The following COL4A4 variants were observed in gnomAD, a reference collection of about 807,000 sequenced individuals.
COL4A4 encodes collagen alpha-4(IV) chain.
Under a neutral mutation model 192.9 loss-of-function variants are expected in COL4A4, and 105 were observed. The observed-to-expected ratio is 0.54, with a 90% CI of 0.46 to 0.64. The LOEUF (loss-of-function observed/expected upper bound fraction) is 0.64, where lower values mean the gene tolerates loss of function less well. Among genes scored for constraint, COL4A4 ranks in the 30% least tolerant of loss-of-function variants. The pLI, the probability that COL4A4 is intolerant of heterozygous loss-of-function variation, is 0.00. For missense variants in COL4A4, 1,967 were observed against 2,169.3 expected (o/e 0.91, Z 1.85); for synonymous variants, 762 against 769.9 (o/e 0.99, Z 0.17).
At chr2:227,111,647 T>C in intron 9 of COL4A4, 31 bp downstream of exon 9, 7 of 1,605,894 alleles carry the variant, frequency 4.4e-6, no homozygotes, top group Non-Finnish European at 4.3e-6. Flanking sequence ...GAGGAGGAAA[T>C]AGAAGCATAG....
At chr2:227,041,502 A>T (rs1970816004) in intron 37 of COL4A4, among the ~76,000 whole-genome samples, 1 of 151,478 alleles carries the variant, frequency 6.6e-6, no homozygotes, top group South Asian at 2.1e-4. Context: ...TTAGCCAGGC[A>T]TGGTGATGTG....
chr2:227,019,211 T>C, intron 44 of COL4A4, among the ~76,000 whole-genome samples: 1 of 152,220 alleles, frequency 6.6e-6, no homozygotes, highest in East Asian at 1.9e-4. Context: ...CAATATTCTT[T>C]CAAGATCCTC....
At chr2:227,098,897 G>A in intron 18 of COL4A4, 99 bp from the exon 19 acceptor site, 1 of 997,530 alleles carries the variant, frequency 1.0e-6, no homozygotes, top group Non-Finnish European at 1.5e-6. Flanking sequence ...AGTATAATTA[G>A]GAGACATTTT....
At chr2:226,980,542 G>A in the COL4A4 span, among the ~76,000 whole-genome samples, 3 of 152,082 alleles carry the variant, frequency 2.0e-5, no homozygotes, top group Non-Finnish European at 2.9e-5. Flanking sequence ...GACACCCCTC[G>A]TGTTCTGGAA....
At position 227,041,795 on chromosome 2, in the gene COL4A4, A is replaced by AGG. The variant is rs1559476581; in HGVS notation, c.3505+352_3505+353insCC. Reference sequence around the variant, plus strand: ...GGAAGGAAGGAAGGAAGGGAAAGAAAGAAAGAAAGGAAGAAAGAAAGAAAG... The same window carrying AGG: ...GGAAGGAAGGAAGGAAGGGAAAGAAAGGGAAAGAAAGGAAGAAAGAAAGAAAG... On this transcript the variant is annotated intron_variant, in intron 37 of 47. Transcript: ENST00000396625. Among the ~76,000 whole-genome samples the AGG allele has an allele frequency of 8.0e-4, 46 of 57,646 alleles. 1 individual carries two copies. The highest frequency in any genetic ancestry group is 9.4e-4 in the Non-Finnish European group (29 of 31,002). The allele number at this position is 57,646 out of a possible 152,430, so 37.8% of individuals were successfully genotyped here.
intron 3 of COL4A4, 71 bp from the exon 4 acceptor site, chr2:227,140,309 T>G: frequency 7.9e-7 from 1 of 1,260,278 alleles, no homozygotes; most frequent in Non-Finnish European, 1.2e-6. Context: ...ACATACATTA[T>G]AACAAGCACT....
At chr2:226,994,382 G>A in the COL4A4 span, among the ~76,000 whole-genome samples, 1 of 152,150 alleles carries the variant, frequency 6.6e-6, no homozygotes, top group Non-Finnish European at 1.5e-5. Flanking sequence ...ATTGAATGAA[G>A]ACAAACAAAC....
intron 37 of COL4A4, among the ~76,000 whole-genome samples, chr2:227,037,548 C>G (rs1173670370): frequency 6.6e-6 from 1 of 152,160 alleles, no homozygotes; most frequent in Admixed American, 6.5e-5. Context: ...AATAAACATA[C>G]ATTTGCATAG....
At chr2:227,001,198 C>T (rs1309843342), downstream of COL4A4, among the ~76,000 whole-genome samples, 3 of 151,870 alleles carry the variant, frequency 2.0e-5, no homozygotes, top group Non-Finnish European at 4.4e-5. Context: ...AGGTTGATGC[C>T]ATTCTCCTGC....
chr2:227,040,703 T>C (rs1460181434), intron 37 of COL4A4, among the ~76,000 whole-genome samples: 1 of 152,008 alleles, frequency 6.6e-6, no homozygotes, highest in East Asian at 1.9e-4. Context: ...GTAGATGGGA[T>C]TACAGGCATG....
Position 227,033,395 on chromosome 2 carries a change from C to T in COL4A4, c.3577+15G>A, listed in dbSNP as rs1274361689. ...GACTGAAGCTCAGTCTGTTACGAAT[C>T]GATTAGGTGCTTACCTGAAGCACCT... On this transcript the variant is annotated intron_variant, in intron 38 of 47. Coordinates refer to ENST00000396625, the MANE Select transcript of COL4A4 (RefSeq NM_000092.5). 16 of 1,603,388 alleles carry T rather than the reference C, an allele frequency of 1.0e-5. No individual in the cohort carries two copies. The highest frequency in any genetic ancestry group is 6.7e-5 in the African/African-American group (5 of 74,744).
chr2:227,033,548 C>G (rs552347400), intron 37 of COL4A4, 67 bp from the exon 38 acceptor site: 2 of 1,397,952 alleles, frequency 1.4e-6, no homozygotes, highest in East Asian at 4.6e-5. Context: ...TAGCCACAAA[C>G]GCAGGCACTG....
chr2:226,988,550 C>G, the COL4A4 span: 1 of 1,422,858 alleles, frequency 7.0e-7, no homozygotes, highest in Non-Finnish European at 9.2e-7. Flanking sequence ...CTGGCCCTCT[C>G]TGCGGACTGG....
intron 31 of COL4A4, among the ~76,000 whole-genome samples, chr2:227,052,692 G>A (rs150350630): frequency 6.8e-6 from 1 of 147,414 alleles, no homozygotes; most frequent in Non-Finnish European, 1.5e-5. Flanking sequence ...TCTTCACTGA[G>A]GTTAAGACAG....
chr2:227,050,614 C>T (rs1469197779), intron 33 of COL4A4, among the ~76,000 whole-genome samples: 1 of 152,084 alleles, frequency 6.6e-6, no homozygotes, highest in African/African-American at 2.4e-5. Context: ...ATATTGAAAG[C>T]AAAATCTGTG....
At chr2:227,049,447 C>T (rs938786199) in intron 34 of COL4A4, among the ~76,000 whole-genome samples, 2 of 152,196 alleles carry the variant, frequency 1.3e-5, no homozygotes, top group South Asian at 2.1e-4. Flanking sequence ...ACTATAACAA[C>T]ACAGTTGAAT....
In COL4A4 at chr2:227,022,192, C is replaced by CT; in HGVS notation, c.4091-20dup. The CT allele has an allele frequency of 6.2e-7, 1 of 1,613,996 alleles. No homozygotes were observed. The highest frequency in any genetic ancestry group is 8.5e-7 in the Non-Finnish European group (1 of 1,180,004). ...GGTTCACCTGAAATTGGAATCACCGCTTGTGTAATGGATGCACGTGCTTAT... is the reference window on the plus strand; with the variant it reads ...GGTTCACCTGAAATTGGAATCACCGCTTTGTGTAATGGATGCACGTGCTTAT... On this transcript the variant is annotated intron_variant, in intron 43 of 47. Transcript: ENST00000396625.
At chr2:227,015,121 A>C (rs976580350) in intron 44 of COL4A4, among the ~76,000 whole-genome samples, 1 of 151,972 alleles carries the variant, frequency 6.6e-6, no homozygotes, top group Non-Finnish European at 1.5e-5. Context: ...GGCTGGTCTC[A>C]AACTGCTGAC....
At position 227,108,043 on chromosome 2, in the gene COL4A4, A is replaced by C. The variant is rs577788716; in HGVS notation, c.735+538T>G. Among the ~76,000 whole-genome samples the C allele has an allele frequency of 2.0e-5, 3 of 152,286 alleles. No individual in the cohort carries two copies. In the South Asian group the frequency reaches 6.2e-4, roughly 32 times the overall value. ...AGTGCTGGAATTACAGGCATCAGCC[A>C]TCGTGCTCAGCCCTTAAATCACTTT... On this transcript the variant is annotated intron_variant, in intron 12 of 47. Transcript: ENST00000396625.
Sources: allele counts gnomAD v4.1 joint callset (sites outside exome capture counted in the v4.1 genomes callset), GRCh38; gene constraint gnomAD v4.1.1; transcripts MANE v1.5; gene names NCBI Gene and HGNC (gene_info 2026-07-23, HGNC 2026-07-21).